The following TCF20 variants were observed in gnomAD, a reference collection of about 807,000 sequenced individuals.
TCF20 encodes transcription factor 20.
In TCF20, 3 loss-of-function variants were observed where a neutral mutation model predicts 148.6. That is an observed-to-expected ratio of 0.02 (90% CI 0.01 to 0.05). The LOEUF (loss-of-function observed/expected upper bound fraction) is 0.05. Among genes scored for constraint, TCF20 ranks in the 10% least tolerant of loss-of-function variants. The pLI is 1.00. For synonymous variants in TCF20, 1,049 were observed against 909.5 expected, an observed-to-expected ratio of 1.15 and a Z score of -2.76; for missense variants, 2,350 against 2,429.3, an observed-to-expected ratio of 0.97 and a Z score of 0.69.
At chr22:42,179,533 A>G in intron 3 of TCF20, 76 bp downstream of exon 3, 1 of 1,030,328 alleles carries the variant, frequency 9.7e-7, no homozygotes. Context: ...AAAAAAAACA[A>G]CGACAACAGA....
At chr22:42,168,557 A>C in intron 5 of TCF20, 52 bp downstream of exon 5, 1 of 1,534,608 alleles carries the variant, frequency 6.5e-7, no homozygotes, top group Non-Finnish European at 8.7e-7. Context: ...AGAGGCAACG[A>C]CGCCTGCTGG....
chr22:42,268,828 C>G (rs1000064150), intron 1 of TCF20, among the ~76,000 whole-genome samples: 1 of 152,188 alleles, frequency 6.6e-6, no homozygotes, highest in Non-Finnish European at 1.5e-5. Flanking sequence ...CAAAAAAGAG[C>G]GTACCCTGAC....
At chr22:42,316,745 T>A (rs1362953417) in intron 1 of TCF20, among the ~76,000 whole-genome samples, 2 of 152,194 alleles carry the variant, frequency 1.3e-5, no homozygotes, top group African/African-American at 2.4e-5. Flanking sequence ...TGGCCCACCT[T>A]TTCTTGCTGA....
At chr22:42,304,794 G>T (rs1927404098) in intron 1 of TCF20, among the ~76,000 whole-genome samples, 1 of 152,010 alleles carries the variant, frequency 6.6e-6, no homozygotes, top group Non-Finnish European at 1.5e-5. Flanking sequence ...CTTATACTGG[G>T]GGAGGTCCCC....
At chr22:42,181,647 A>AC (rs1456366490) in intron 2 of TCF20, among the ~76,000 whole-genome samples, 2 of 142,152 alleles carry the variant, frequency 1.4e-5, no homozygotes, top group African/African-American at 5.3e-5. Flanking sequence ...TTGCTCTGTC[A>AC]CCCAGGATGG....
upstream of TCF20, among the ~76,000 whole-genome samples, chr22:42,287,513 A>G (rs527521439): frequency 1.3e-5 from 2 of 152,260 alleles, no homozygotes; most frequent in Non-Finnish European, 2.9e-5. Context: ...CCATCCCATC[A>G]CGTATGCATG....
At chr22:42,310,997 C>G (rs568947492) in intron 1 of TCF20, among the ~76,000 whole-genome samples, 1 of 152,338 alleles carries the variant, frequency 6.6e-6, no homozygotes, top group African/African-American at 2.4e-5. Flanking sequence ...CAAGAAAATA[C>G]GGCCTGGAGG....
chr22:42,253,161 T>C (rs1014638629), intron 1 of TCF20, among the ~76,000 whole-genome samples: 1 of 152,246 alleles, frequency 6.6e-6, no homozygotes, highest in Non-Finnish European at 1.5e-5. Flanking sequence ...AATGATTTAA[T>C]GTAAACTAAA....
intron 1 of TCF20, among the ~76,000 whole-genome samples, chr22:42,266,431 G>A (rs888648215): frequency 2.0e-5 from 3 of 152,196 alleles, no homozygotes; most frequent in Admixed American, 2.0e-4. Flanking sequence ...CTCCAATTAA[G>A]TGTGATCATT....
At chr22:42,311,709 G>A (rs13055057) in intron 1 of TCF20, among the ~76,000 whole-genome samples, 56,191 of 152,064 alleles carry the variant, frequency 0.37, 11,187 homozygotes, top group Middle Eastern at 0.48. Context: ...AACATCCCAA[G>A]CCCAGGGCTG....
chr22:42,326,987 G>A (rs1176175676), intron 1 of TCF20, among the ~76,000 whole-genome samples: 2 of 152,204 alleles, frequency 1.3e-5, no homozygotes, highest in Admixed American at 6.5e-5. Context: ...AACATGACGC[G>A]ATCTGGCAGC....
chr22:42,273,360 C>CAAAAAAAA (rs35166029), upstream of TCF20, among the ~76,000 whole-genome samples: 16 of 61,262 alleles, frequency 2.6e-4, no homozygotes, highest in Non-Finnish European at 3.2e-4. Flanking sequence ...AACTCCGTCT[C>CAAAAAAAA]AAAAAAAAAA....
chr22:42,315,623 G>C (rs1927615200), intron 1 of TCF20, among the ~76,000 whole-genome samples: 2 of 152,202 alleles, frequency 1.3e-5, no homozygotes, highest in Admixed American at 6.5e-5. Context: ...CTTCAGGAAG[G>C]TGTGGACAGT....
chr22:42,255,523 ACAACAAAAC>A (rs1460178037), intron 1 of TCF20, among the ~76,000 whole-genome samples: 40 of 147,860 alleles, frequency 2.7e-4, no homozygotes, highest in African/African-American at 9.9e-4. Context: ...AACAACAACA[ACAACAAAAC>A]CACATTATTT....
intron 1 of TCF20, among the ~76,000 whole-genome samples, chr22:42,293,654 C>A (rs1283345473): frequency 2.0e-5 from 3 of 152,214 alleles, no homozygotes; most frequent in African/African-American, 7.2e-5. Context: ...CAACCCTAGC[C>A]TAAGGGCAGG....
At chr22:42,182,525 C>A (rs561111282) in intron 2 of TCF20, among the ~76,000 whole-genome samples, 1 of 152,326 alleles carries the variant, frequency 6.6e-6, no homozygotes, top group South Asian at 2.1e-4. Context: ...TGTCCATTTG[C>A]TTCCTACCTC....
chr22:42,283,297 G>C (rs77277398), intron 1 of TCF20, among the ~76,000 whole-genome samples: 8 of 152,210 alleles, frequency 5.3e-5, no homozygotes, highest in African/African-American at 1.2e-4. Context: ...ATAGTGGAGG[G>C]GGGGAGAGGG....
rs1337121509 is a variant in TCF20 at position 42,213,963 on chromosome 22, A to C, written c.1343T>G (p.Leu448Arg). 1.9e-6 allele frequency: 3 copies of C among 1,614,176 alleles called. No homozygotes were observed. The highest frequency in any genetic ancestry group is 2.5e-6 in the Non-Finnish European group (3 of 1,180,012). Residue 448 changes from leucine (L) to arginine (R), a missense_variant, in exon 2 of 6, where the codon CTG becomes CGG. This residue lies in a region of TCF20 where 1,641 missense variants were observed against 1,662.6 expected (regional missense o/e 0.99). Coordinates refer to ENST00000677622, the MANE Select transcript of TCF20 (RefSeq NM_001378418.1). ...FGLEGVPEKR[L>R]TDPGLSSLSA... ...CAAACTACTCAACCCAGGATCTGTC[A>C]GTCGCTTTTCTGGTACCCCTTCTAG...
chr22:42,161,922 C>T (rs1267192844), intron 5 of TCF20, among the ~76,000 whole-genome samples: 3 of 149,470 alleles, frequency 2.0e-5, no homozygotes, highest in Admixed American at 6.7e-5. Flanking sequence ...CTCAGCCTTC[C>T]AAGTAGCTGG....
Sources: allele counts gnomAD v4.1 joint callset (sites outside exome capture counted in the v4.1 genomes callset), GRCh38; gene constraint gnomAD v4.1.1; regional missense constraint gnomAD v4.1.1; transcripts MANE v1.5; gene names NCBI Gene and HGNC (gene_info 2026-07-23, HGNC 2026-07-21).